BRIP1: variants seen among roughly 807,000 people sequenced by gnomAD.
BRIP1 encodes BRCA1 interacting DNA helicase 1.
BRIP1 carries 88 observed loss-of-function variants against 119.7 expected under a neutral mutation model. That is an observed-to-expected ratio of 0.74 (90% CI 0.62 to 0.88). The LOEUF (loss-of-function observed/expected upper bound fraction) is 0.88. BRIP1 is among the 40% of genes least tolerant of loss of function. BRIP1 has a pLI of 0.00. For synonymous variants in BRIP1, 443 were observed against 496.5 expected (o/e 0.89, Z 1.43); for missense variants, 1,259 against 1,455.4 (o/e 0.87, Z 2.20).
chr17:61,766,412 A>C (rs1294020401), intron 14 of BRIP1, among the ~76,000 whole-genome samples: 2 of 152,222 alleles, frequency 1.3e-5, no homozygotes, highest in Admixed American at 6.5e-5. Flanking sequence ...GATTCTTTCT[A>C]TTTAACACTG....
Position 61,690,494 on chromosome 17 carries a change from TTATAAC to T in BRIP1, c.2575+2930_2575+2935del, listed in dbSNP as rs1253193661. ...ATGAATTTGTTAGCTGAAAATATTG[TTATAAC>T]TATGTTTCATGTAAGACCCATGTAA... On this transcript the variant is annotated intron_variant, in intron 18 of 19. Transcript: ENST00000259008. This position sits in a 1 kb window ranked among gnomAD's most constrained non-coding sequence, Gnocchi z 5.6. Among the ~76,000 whole-genome samples, 2 of 152,208 alleles carry T rather than the reference TTATAAC, an allele frequency of 1.3e-5. No individual in the cohort carries two copies. The highest frequency in any genetic ancestry group is 2.9e-5 in the Non-Finnish European group (2 of 68,032).
intron 6 of BRIP1, among the ~76,000 whole-genome samples, chr17:61,826,731 TAAAAAAAA>T (rs58466965): frequency 2.7e-5 from 2 of 75,318 alleles, no homozygotes; most frequent in Non-Finnish European, 5.0e-5. Context: ...TATTAAAAAG[TAAAAAAAA>T]AAAAAAAAAA....
chr17:61,717,037 T>C lies in BRIP1; in HGVS notation c.2380-974A>G, dbSNP rs2061889442. ...ACATGCTATAAACCCATAAAACATTTTGATTATGCTTTAAACAGTACATTA... is the reference window on the plus strand; with the variant it reads ...ACATGCTATAAACCCATAAAACATTCTGATTATGCTTTAAACAGTACATTA... On this transcript the variant is annotated intron_variant, in intron 16 of 19. Coordinates refer to ENST00000259008, the MANE Select transcript of BRIP1 (RefSeq NM_032043.3). This position sits in a 1 kb window ranked among gnomAD's most constrained non-coding sequence, Gnocchi z 4.1. 6.6e-6 allele frequency among the ~76,000 whole-genome samples: 1 copy of C among 152,120 alleles called. No homozygotes were observed. The highest frequency in any genetic ancestry group is 2.1e-4 in the South Asian group (1 of 4,830).
intron 6 of BRIP1, among the ~76,000 whole-genome samples, chr17:61,840,677 T>G (rs1344406650): frequency 6.6e-6 from 1 of 152,096 alleles, no homozygotes; most frequent in African/African-American, 2.4e-5. Flanking sequence ...AACCTACAGA[T>G]TCAATGTAAT....
chr17:61,721,655 T>C lies in BRIP1; in HGVS notation c.2380-5592A>G, dbSNP rs145676476. On this transcript the variant is annotated intron_variant, in intron 16 of 19. Transcript: ENST00000259008. ...AATTTCTAAAATGAAACTTTACAAC[T>C]AGAATATAAAGGACATATAAAGGAC... Among the ~76,000 whole-genome samples the C allele has an allele frequency of 6.8e-3, 1,023 of 149,644 alleles. 4 individuals are homozygous for C. The highest frequency in any genetic ancestry group is 0.035 in the Middle Eastern group (10 of 284).
In BRIP1 at chr17:61,861,160, T is replaced by C. The variant is rs894898235; in HGVS notation, c.93+287A>G. 2.0e-5 allele frequency among the ~76,000 whole-genome samples: 3 copies of C among 152,184 alleles called. No homozygotes were observed. Among genetic ancestry groups the C allele is most frequent in the African/African-American group, 7.2e-5 (3 of 41,448 alleles). On this transcript the variant is annotated intron_variant, in intron 2 of 19. Transcript: ENST00000259008. The surrounding 1 kb of genome is among the most constrained non-coding windows in gnomAD (Gnocchi z 4.5). ...GAAAAATAGTATTCTGTGTAAAAGATAGTAAATACTCTGTTTTTACTTAAA... is the reference window on the plus strand; with the variant it reads ...GAAAAATAGTATTCTGTGTAAAAGACAGTAAATACTCTGTTTTTACTTAAA...
Position 61,799,388 on chromosome 17 carries a change from A to G in BRIP1, c.1141-89T>C, listed in dbSNP as rs2077956119. The G allele has an allele frequency of 6.0e-6, 6 of 998,598 alleles. No individual in the cohort carries two copies. The highest frequency in any genetic ancestry group is 7.5e-6 in the Non-Finnish European group (5 of 667,170). 61.9% of individuals were successfully genotyped at this position (998,598 alleles called of 1,614,324 possible). ...GATATTTCATTTTAAAATTCACACT[A>G]TAGGCCAATATTGCAAATGCAATTA... On this transcript the variant is annotated intron_variant, in intron 8 of 19. Transcript: ENST00000259008. This position sits in a 1 kb window ranked among gnomAD's most constrained non-coding sequence, Gnocchi z 5.1.
At position 61,723,257 on chromosome 17, in the gene BRIP1, G is replaced by T. The variant is rs532729535; in HGVS notation, c.2380-7194C>A. 5.3e-5 allele frequency among the ~76,000 whole-genome samples: 8 copies of T among 152,284 alleles called. No individual in the cohort carries two copies. The South Asian group carries it at 1.7e-3, about 32-fold the overall frequency. ...TCTCCTGCCAGCAAATAGCCTAAAT[G>T]TTAAGTAAACCAAAGGCTGGAAGGG... On this transcript the variant is annotated intron_variant, in intron 16 of 19. Transcript: ENST00000259008.
rs755635967 is a variant in BRIP1, at chr17:61,780,943, A to G, written c.1691T>C (p.Ile564Thr). 6.8e-6 allele frequency: 11 copies of G among 1,614,096 alleles called. No individual in the cohort carries two copies. The highest frequency in any genetic ancestry group is 8.5e-6 in the Non-Finnish European group (10 of 1,180,004). The change falls in exon 12 of 20, where the codon ATT becomes ACT. Residue 564 changes from isoleucine (I) to threonine (T), a missense_variant. This residue lies in a region of BRIP1 where 753 missense variants were observed against 891.8 expected (regional missense o/e 0.84). Coordinates refer to ENST00000259008, the MANE Select transcript of BRIP1 (RefSeq NM_032043.3). This position sits in a 1 kb window ranked among gnomAD's most constrained non-coding sequence, Gnocchi z 5.4. ...AACCAACAACCCATTTTTGTCTGAAATATCAATCTGATTTGTCCAGGAGTA... is the reference window on the plus strand; with the variant it reads ...AACCAACAACCCATTTTTGTCTGAAGTATCAATCTGATTTGTCCAGGAGTA... Reference protein sequence around the residue: ...QTYSWTNQIDISDKNGLLVLP... With the variant: ...QTYSWTNQIDTSDKNGLLVLP...
At position 61,815,180 on chromosome 17, in the gene BRIP1, A is replaced by G. The variant is rs7222799; in HGVS notation, c.628-6423T>C. ...GTTTCTCCTCAGTTGTTTCATACCC[A>G]GCAGAATAGCTTTCATCTTAACACC... On this transcript the variant is annotated intron_variant, in intron 6 of 19. Transcript: ENST00000259008. The surrounding 1 kb of genome is among the most constrained non-coding windows in gnomAD (Gnocchi z 4.1). Among the ~76,000 whole-genome samples, 120,093 of 151,234 alleles carry G rather than the reference A, an allele frequency of 0.79. 48,336 individuals carry two copies. Among genetic ancestry groups the G allele is most frequent in the African/African-American group, 0.9 (37,145 of 41,306 alleles).
At position 61,780,350 on chromosome 17, in the gene BRIP1, T is replaced by C. The variant is rs1397233707; in HGVS notation, c.1846A>G (p.Thr616Ala). The change falls in exon 13 of 20, where the codon ACA becomes GCA. Residue 616 changes from threonine to alanine, a missense_variant. Thr to Ala is a moderately conservative substitution (Grantham distance 58). Around this residue, in one of 3 missense-constraint regions of BRIP1, gnomAD observed 753 missense variants for 891.8 expected, o/e 0.84. Transcript: ENST00000259008. The surrounding 1 kb of genome is among the most constrained non-coding windows in gnomAD (Gnocchi z 5.4). ...KVQTIVLTSG[T>A]LSPMKSFSSE... ...GAAAAGGATTTCATTGGTGATAATG[T>C]ACCAGATGTCAAAACAATGGTCTGA... 1 of 1,610,868 alleles carries C rather than the reference T, an allele frequency of 6.2e-7. No homozygotes were observed. The highest frequency in any genetic ancestry group is 8.5e-7 in the Non-Finnish European group (1 of 1,177,018).
rs142386063 is a variant in BRIP1 at position 61,708,431 on chromosome 17, G to A, written c.2492+7520C>T. On this transcript the variant is annotated intron_variant, in intron 17 of 19. Coordinates refer to ENST00000259008, the MANE Select transcript of BRIP1 (RefSeq NM_032043.3). This position sits in a 1 kb window ranked among gnomAD's most constrained non-coding sequence, Gnocchi z 4.4. ...ATCAGATAGAAAAAACATAGTATACGTAGAGTTTGGTACTATCCATGGTTT... is the reference window on the plus strand; with the variant it reads ...ATCAGATAGAAAAAACATAGTATACATAGAGTTTGGTACTATCCATGGTTT... Among the ~76,000 whole-genome samples the A allele has an allele frequency of 2.4e-4, 36 of 152,284 alleles. No homozygotes were observed. Among genetic ancestry groups the A allele is most frequent in the African/African-American group, 7.9e-4 (33 of 41,556 alleles).
Position 61,713,551 on chromosome 17 carries a change from T to C in BRIP1, c.2492+2400A>G, listed in dbSNP as rs997942598. On this transcript the variant is annotated intron_variant, in intron 17 of 19. Transcript: ENST00000259008. The surrounding 1 kb of genome is among the most constrained non-coding windows in gnomAD (Gnocchi z 4.9). ...TTTTTTTTTTTTTTGAGATGGAGTCTCGCTCTGTCGCCCAGGCTGGAGTGC... is the reference window on the plus strand; with the variant it reads ...TTTTTTTTTTTTTTGAGATGGAGTCCCGCTCTGTCGCCCAGGCTGGAGTGC... Among the ~76,000 whole-genome samples, 3 of 151,564 alleles carry C rather than the reference T, an allele frequency of 2.0e-5. No homozygotes were observed. The South Asian group carries it at 6.3e-4, about 32-fold the overall frequency.
At chr17:61,719,090 C>T (rs1156545922) in intron 16 of BRIP1, among the ~76,000 whole-genome samples, 1 of 151,732 alleles carries the variant, frequency 6.6e-6, no homozygotes, top group East Asian at 1.9e-4. Flanking sequence ...ATACAGAGGG[C>T]CAGTTGTGTA....
rs1450677545 is a variant in BRIP1, at chr17:61,848,323, G to A, written c.507+806C>T. ...CTCCCAAGTAGCTGGAAAGTAGTCT[G>A]TAGGGCTACATGTCTGATGAGCCTG... is the stretch of plus-strand genomic sequence containing the variant. On this transcript the variant is annotated intron_variant, in intron 5 of 19. Coordinates refer to ENST00000259008, the MANE Select transcript of BRIP1 (RefSeq NM_032043.3). This position sits in a 1 kb window ranked among gnomAD's most constrained non-coding sequence, Gnocchi z 4.3. Among the ~76,000 whole-genome samples the A allele has an allele frequency of 6.6e-6, 1 of 152,044 alleles. No homozygotes were observed. The highest frequency in any genetic ancestry group is 1.5e-5 in the Non-Finnish European group (1 of 67,998).
intron 6 of BRIP1, among the ~76,000 whole-genome samples, chr17:61,812,271 CCTG>C (rs2078174452): frequency 6.6e-6 from 1 of 152,046 alleles, no homozygotes; most frequent in African/African-American, 2.4e-5. Context: ...GAGTATTTTT[CCTG>C]CTAACAAATG....
Position 61,770,613 on chromosome 17 carries a change from CAAAG to C in BRIP1, c.2097+5784_2097+5787del, listed in dbSNP as rs2077434379. ...AGATGTAATTTTTATAATAATGACA[CAAAG>C]AAGGTAGGATTAAAAAAACAGCTAC... On this transcript the variant is annotated intron_variant, in intron 14 of 19. Transcript: ENST00000259008. This position sits in a 1 kb window ranked among gnomAD's most constrained non-coding sequence, Gnocchi z 4.7. Among the ~76,000 whole-genome samples, 1 of 151,254 alleles carries C rather than the reference CAAAG, an allele frequency of 6.6e-6. No homozygotes were observed. Among genetic ancestry groups the C allele is most frequent in the African/African-American group, 2.4e-5 (1 of 41,132 alleles).
chr17:61,689,732 C>T lies in BRIP1; in HGVS notation c.2576-3567G>A, dbSNP rs2144150587. Among the ~76,000 whole-genome samples, 1 of 152,240 alleles carries T rather than the reference C, an allele frequency of 6.6e-6. No homozygotes were observed. Among genetic ancestry groups the T allele is most frequent in the Middle Eastern group, 3.4e-3 (1 of 294 alleles). ...AAGTCCCATAAGACAGTCACTAGGCCGGGCATGAAGGCTCATGCCTATAAT... is the reference window on the plus strand; with the variant it reads ...AAGTCCCATAAGACAGTCACTAGGCTGGGCATGAAGGCTCATGCCTATAAT... On this transcript the variant is annotated intron_variant, in intron 18 of 19. Coordinates refer to ENST00000259008, the MANE Select transcript of BRIP1 (RefSeq NM_032043.3). This position sits in a 1 kb window ranked among gnomAD's most constrained non-coding sequence, Gnocchi z 4.5.
chr17:61,781,059 C>A (rs2145099745), intron 11 of BRIP1, 54 bp from the exon 12 acceptor site: 1 of 1,532,616 alleles, frequency 6.5e-7, no homozygotes, highest in Non-Finnish European at 9.0e-7. Flanking sequence ...ACCTATGACC[C>A]AGCTACATAC....
Sources: allele counts gnomAD v4.1 joint callset (sites outside exome capture counted in the v4.1 genomes callset), GRCh38; gene constraint gnomAD v4.1.1; regional missense constraint gnomAD v4.1.1; non-coding constraint Gnocchi (gnomAD v3.1); transcripts MANE v1.5; gene names NCBI Gene and HGNC (gene_info 2026-07-23, HGNC 2026-07-21).